LPIN1: variants seen among roughly 807,000 people sequenced by gnomAD.
LPIN1 encodes lipin 1.
LPIN1 carries 71 observed loss-of-function variants against 107.5 expected under a neutral mutation model. The ratio of observed to expected loss-of-function variants is 0.66; its 90% CI spans 0.55 to 0.80. The LOEUF is 0.80. Ranked by LOEUF, LPIN1 falls within the 30% of genes least tolerant of loss-of-function variation. The pLI is 0.00. For synonymous variants in LPIN1, 445 were observed against 452.6 expected (o/e 0.98, Z 0.21); for missense variants, 1,043 against 1,160.6 (o/e 0.90, Z 1.47).
chr2:11,755,723 CTTTT>C (rs1297191152), intron 1 of LPIN1, among the ~76,000 whole-genome samples: 2 of 138,270 alleles, frequency 1.4e-5, no homozygotes, highest in African/African-American at 2.6e-5. Context: ...ACACTTAGTT[CTTTT>C]TTTTTTTTTT....
chr2:11,789,343 A>G (rs1675233998), intron 12 of LPIN1, among the ~76,000 whole-genome samples: 1 of 151,136 alleles, frequency 6.6e-6, no homozygotes, highest in Admixed American at 6.6e-5. Context: ...GTGCATGTGT[A>G]TGCATTTGCA....
Position 11,795,433 on chromosome 2 carries a change from C to G in LPIN1, c.1832C>G (p.Ala611Gly). The G allele has an allele frequency of 6.2e-7, 1 of 1,614,084 alleles. No individual in the cohort carries two copies. Among genetic ancestry groups the G allele is most frequent in the Non-Finnish European group, 8.5e-7 (1 of 1,179,990 alleles). Residue 611 changes from alanine (A) to glycine (G), a missense_variant, in exon 14 of 21, where the codon GCT becomes GGT. Ala to Gly is a moderately conservative substitution (Grantham distance 60). Coordinates refer to ENST00000674199, the MANE Select transcript of LPIN1 (RefSeq NM_001349206.2). ...GAAAGTAAGCCAGAGCAGTGCTTGG[C>G]TGGCAAGGCCCATAGCACCGGAGAG... Reference protein sequence around the residue: ...KEESKPEQCLAGKAHSTGEQP... With the variant: ...KEESKPEQCLGGKAHSTGEQP...
chr2:11,798,714 C>T (rs1013321393), intron 14 of LPIN1, among the ~76,000 whole-genome samples: 12 of 151,520 alleles, frequency 7.9e-5, no homozygotes, highest in African/African-American at 2.7e-4. Context: ...AAAATGTAAA[C>T]CTTTTAATTT....
At chr2:11,741,066 C>A in intron 1 of LPIN1, 1 of 263,232 alleles carries the variant, frequency 3.8e-6, no homozygotes, top group Non-Finnish European at 7.1e-6. Context: ...CTTCCTCAAG[C>A]CACGGAGAAG....
At chr2:11,720,582 G>A (rs1664058146), upstream of LPIN1, among the ~76,000 whole-genome samples, 1 of 152,128 alleles carries the variant, frequency 6.6e-6, no homozygotes, top group African/African-American at 2.4e-5. Context: ...GAAGAAGGGG[G>A]AAGATCCATG....
intron 17 of LPIN1, among the ~76,000 whole-genome samples, chr2:11,811,324 G>A (rs62114968): frequency 0.12 from 18,385 of 152,238 alleles, 1,509 homozygotes; most frequent in Middle Eastern, 0.2. Flanking sequence ...TCCCTGTGAG[G>A]GGCACCATGG....
At chr2:11,790,848 T>TC (rs1675595653) in intron 12 of LPIN1, among the ~76,000 whole-genome samples, 1 of 152,244 alleles carries the variant, frequency 6.6e-6, no homozygotes, top group Non-Finnish European at 1.5e-5. Flanking sequence ...TAGTGCTTGT[T>TC]CTACTTACTA....
chr2:11,709,572 G>T (rs1232503208), intron 1 of LPIN1, among the ~76,000 whole-genome samples: 2 of 152,176 alleles, frequency 1.3e-5, no homozygotes, highest in Non-Finnish European at 2.9e-5. Flanking sequence ...AATGCTTTTA[G>T]GTCCCGAGTT....
chr2:11,795,528 C>A, intron 14 of LPIN1, 41 bp downstream of exon 14: 1 of 1,554,220 alleles, frequency 6.4e-7, no homozygotes, highest in Non-Finnish European at 8.9e-7. Context: ...AGCCCCTTTC[C>A]GCATCCAAGT....
rs191195375 is a variant in LPIN1 at position 11,697,397 on chromosome 2, C to G, written c.82-16359C>G. Among the ~76,000 whole-genome samples the G allele has an allele frequency of 6.6e-3, 1,002 of 152,328 alleles. 4 individuals carry two copies. The highest frequency in any genetic ancestry group is 0.01 in the Non-Finnish European group (697 of 68,028). Reference sequence around the variant, plus strand: ...TGGCCTGTGGCCAGTGCAGGAGGAACAGGAAGCAGCCCCCGTGGGCCACTG... The same window carrying G: ...TGGCCTGTGGCCAGTGCAGGAGGAAGAGGAAGCAGCCCCCGTGGGCCACTG... On this transcript the variant is annotated intron_variant, in intron 1 of 21. Coordinates refer to the LPIN1 transcript ENST00000449576. This position sits in a 1 kb window ranked among gnomAD's most constrained non-coding sequence, Gnocchi z 4.6.
At chr2:11,805,229 T>C in intron 17 of LPIN1, 73 bp downstream of exon 17, 2 of 1,197,388 alleles carry the variant, frequency 1.7e-6, no homozygotes, top group African/African-American at 3.0e-5. Context: ...TATGGAATCT[T>C]TCCTGTCCCA....
At chr2:11,817,249 G>A (rs1201099680) in intron 18 of LPIN1, 1 of 152,200 alleles carries the variant, frequency 6.6e-6, no homozygotes, top group Non-Finnish European at 1.5e-5. Context: ...TTTGAATTAG[G>A]ATGAAGGAGG....
chr2:11,758,757 G>C (rs1287532166), intron 1 of LPIN1, among the ~76,000 whole-genome samples: 1 of 152,220 alleles, frequency 6.6e-6, no homozygotes, highest in Non-Finnish European at 1.5e-5. Context: ...GATTCTTTGC[G>C]GTAGGAAAAT....
chr2:11,794,630 C>T (rs6729430), intron 13 of LPIN1, among the ~76,000 whole-genome samples: 1,807 of 138,614 alleles, frequency 0.013, 33 homozygotes, highest in South Asian at 0.047. Context: ...CCTCTCCTGA[C>T]GAAACGAGCA....
intron 7 of LPIN1, among the ~76,000 whole-genome samples, chr2:11,781,770 G>T (rs548502140): frequency 5.9e-5 from 9 of 152,282 alleles, no homozygotes; most frequent in East Asian, 5.8e-4. Context: ...CACTCTTTGC[G>T]GTCACTGCTC....
In LPIN1 at chr2:11,764,103, T is replaced by TACACACAC. The variant is rs1174224490; in HGVS notation, c.-9-1420_-9-1413dup. The TACACACAC allele has an allele frequency of 5.3e-3, 643 of 121,702 alleles. 7 individuals are homozygous for TACACACAC. Among genetic ancestry groups the TACACACAC allele is most frequent in the African/African-American group, 0.02 (598 of 29,572 alleles). The allele number at this position is 121,702 out of a possible 1,614,324, so 7.5% of individuals were successfully genotyped here. On this transcript the variant is annotated intron_variant, in intron 1 of 20. Coordinates refer to ENST00000674199, the MANE Select transcript of LPIN1 (RefSeq NM_001349206.2). ...GTATATATATATATATATATATATA[T>TACACACAC]ACACACACACACACACAACGACTAA...
At chr2:11,699,451 C>A (rs1054755995) in intron 1 of LPIN1, among the ~76,000 whole-genome samples, 1 of 151,846 alleles carries the variant, frequency 6.6e-6, no homozygotes, top group Non-Finnish European at 1.5e-5. Context: ...GGGGGGCGTG[C>A]GGAAGAAAGA....
chr2:11,824,868 A>C lies in LPIN1; in HGVS notation c.*77A>C. ...TAAAGGATAGGTCTCCCCGGAGTGC[A>C]CAGCTCCACCTGGGAGCCTGGCGCG... is the stretch of plus-strand genomic sequence containing the variant. On this transcript the variant is annotated 3_prime_UTR_variant, in exon 21 of 21. Transcript: ENST00000674199. 1 of 1,538,466 alleles carries C rather than the reference A, an allele frequency of 6.5e-7. No homozygotes were observed.
intron 17 of LPIN1, among the ~76,000 whole-genome samples, chr2:11,811,751 C>T (rs1246124735): frequency 1.3e-5 from 2 of 152,228 alleles, no homozygotes; most frequent in African/African-American, 4.8e-5. Flanking sequence ...CTTTGGGAGG[C>T]CAAGGCAGGT....
Sources: gnomAD v4.1 joint callset for allele counts (sites outside exome capture counted in the v4.1 genomes callset) on GRCh38, gnomAD v4.1.1 for gene constraint, Gnocchi (gnomAD v3.1) non-coding constraint, MANE v1.5 for transcripts, NCBI Gene and HGNC (gene_info 2026-07-23, HGNC 2026-07-21) for gene names.